DCC: variants seen among roughly 807,000 people sequenced by gnomAD.
DCC encodes the protein netrin receptor DCC.
In DCC, 58 loss-of-function variants were observed where a neutral mutation model predicts 172.5. The observed-to-expected ratio is 0.34, with a 90% CI of 0.27 to 0.42. DCC has a LOEUF of 0.42. DCC is among the 10% of genes least tolerant of loss of function. The pLI is 1.00. For missense variants in DCC, 1,740 were observed against 1,791.0 expected, an observed-to-expected ratio of 0.97 and a Z score of 0.51; for synonymous variants, 709 against 644.5, an observed-to-expected ratio of 1.10 and a Z score of -1.52.
intron 1 of DCC, among the ~76,000 whole-genome samples, chr18:52,618,216 C>A (rs1259699291): frequency 2.0e-5 from 3 of 151,974 alleles, no homozygotes; most frequent in Non-Finnish European, 2.9e-5. Context: ...GAAAAAAAAA[C>A]TTATTCATAA....
chr18:52,786,823 T>A (rs1428386291), intron 2 of DCC, among the ~76,000 whole-genome samples: 6 of 152,108 alleles, frequency 3.9e-5, no homozygotes, highest in Non-Finnish European at 1.5e-5. Context: ...CCCAAGGGGC[T>A]TTTATCAGCT....
rs191878439 is a variant in DCC, at chr18:53,171,766, T to C, written c.1419-7196T>C. Among the ~76,000 whole-genome samples, 557 of 151,210 alleles carry C rather than the reference T, an allele frequency of 3.7e-3. 1 individual carries two copies. The highest frequency in any genetic ancestry group is 0.014 in the Middle Eastern group (4 of 292). ...AGAACACATACAAACAGCAAACATA[T>C]GAAAAAACTGCTCAACATCACTAAT... On this transcript the variant is annotated intron_variant, in intron 8 of 28. Coordinates refer to ENST00000442544, the MANE Select transcript of DCC (RefSeq NM_005215.4).
chr18:53,212,654 C>T (rs973430785), intron 11 of DCC, among the ~76,000 whole-genome samples: 3 of 151,622 alleles, frequency 2.0e-5, no homozygotes, highest in Non-Finnish European at 4.4e-5. Flanking sequence ...ATTTTATTGC[C>T]TTTCAATTCT....
intron 2 of DCC, among the ~76,000 whole-genome samples, chr18:52,840,864 G>T (rs879571734): frequency 6.6e-6 from 1 of 152,162 alleles, no homozygotes; most frequent in South Asian, 2.1e-4. Flanking sequence ...ACTACAAAAT[G>T]AAGTCTGAAT....
intron 5 of DCC, among the ~76,000 whole-genome samples, chr18:52,980,770 TGTTG>T (rs1490364527): frequency 6.6e-6 from 1 of 152,074 alleles, no homozygotes; most frequent in Non-Finnish European, 1.5e-5. Flanking sequence ...AATCAAAACT[TGTTG>T]GTTGGTGAAG....
At chr18:53,520,106 A>G (rs554595958) in intron 27 of DCC, among the ~76,000 whole-genome samples, 1 of 152,196 alleles carries the variant, frequency 6.6e-6, no homozygotes, top group Non-Finnish European at 1.5e-5. Flanking sequence ...AGCAGTGTAG[A>G]AAAAAACCAG....
chr18:53,285,967 T>C (rs1213429300), intron 12 of DCC, among the ~76,000 whole-genome samples: 1 of 152,192 alleles, frequency 6.6e-6, no homozygotes. Flanking sequence ...TTGCTCCCAT[T>C]TGGAATGGCT....
At chr18:52,563,597 T>A (rs138079258) in intron 1 of DCC, among the ~76,000 whole-genome samples, 2 of 152,310 alleles carry the variant, frequency 1.3e-5, no homozygotes, top group Non-Finnish European at 2.9e-5. Flanking sequence ...TGTTTCCTAG[T>A]GACTGTGCCT....
intron 2 of DCC, among the ~76,000 whole-genome samples, chr18:52,813,961 A>AC (rs1160623250): frequency 6.6e-6 from 1 of 152,204 alleles, no homozygotes; most frequent in Non-Finnish European, 1.5e-5. Flanking sequence ...GACTGAAACT[A>AC]CACATAGGCT....
In DCC at chr18:52,690,446, G is replaced by A. The variant is rs77126049; in HGVS notation, c.92-61608G>A. On this transcript the variant is annotated intron_variant, in intron 1 of 28. Coordinates refer to ENST00000442544, the MANE Select transcript of DCC (RefSeq NM_005215.4). ...ACAGGTAAAGAGGTTTGGGTATCCT[G>A]CATTAACTGTTCTACTTTGTTGAGG... 3.2e-4 allele frequency among the ~76,000 whole-genome samples: 49 copies of A among 152,248 alleles called. No homozygotes were observed. The East Asian group carries it at 9.1e-3, about 28-fold the overall frequency.
intron 7 of DCC, among the ~76,000 whole-genome samples, chr18:53,092,229 T>C (rs1264065688): frequency 1.3e-5 from 2 of 152,178 alleles, no homozygotes; most frequent in Non-Finnish European, 2.9e-5. Flanking sequence ...CTGGTAGGTT[T>C]ATAAAGAATT....
chr18:53,303,302 C>G (rs2057161535), intron 12 of DCC, among the ~76,000 whole-genome samples: 1 of 151,762 alleles, frequency 6.6e-6, no homozygotes, highest in Non-Finnish European at 1.5e-5. Context: ...TGTTTTTATC[C>G]TGTTGATGGA....
intron 13 of DCC, among the ~76,000 whole-genome samples, chr18:53,320,272 C>T (rs540491659): frequency 6.6e-6 from 1 of 152,114 alleles, no homozygotes; most frequent in South Asian, 2.1e-4. Context: ...CGGGGTTCCA[C>T]CGTGTTAGCC....
At chr18:53,454,582 G>A (rs1465843233) in intron 23 of DCC, among the ~76,000 whole-genome samples, 2 of 152,182 alleles carry the variant, frequency 1.3e-5, no homozygotes, top group African/African-American at 4.8e-5. Flanking sequence ...TTGTCTGAAT[G>A]CTTTAAATTT....
intron 21 of DCC, among the ~76,000 whole-genome samples, chr18:53,427,563 G>C (rs561293340): frequency 1.7e-5 from 2 of 117,330 alleles, no homozygotes; most frequent in South Asian, 5.0e-4. Context: ...AGCCGGGCAA[G>C]GGAGATAGTC....
intron 1 of DCC, among the ~76,000 whole-genome samples, chr18:52,630,648 ATT>A (rs906301906): frequency 6.8e-6 from 1 of 146,822 alleles, no homozygotes. Flanking sequence ...TGACGGTGAG[ATT>A]TTTTTTTTTT....
chr18:53,428,464 T>TATA (rs1911254216), intron 21 of DCC, among the ~76,000 whole-genome samples: 1 of 35,084 alleles, frequency 2.9e-5, no homozygotes, highest in South Asian at 7.8e-4. Flanking sequence ...TTATATATAT[T>TATA]ATATAATATA....
chr18:52,958,667 T>C lies in DCC; in HGVS notation c.985+33297T>C, dbSNP rs148915103. 7.2e-5 allele frequency among the ~76,000 whole-genome samples: 11 copies of C among 152,186 alleles called. No homozygotes were observed. In the East Asian group the frequency reaches 1.9e-3, roughly 27 times the overall value. The stretch of plus-strand genomic sequence containing the variant: ...CAGAAAGATCAGGACTTGGTGGCCA[T>C]AGGCATTTAGGATAAAGAAGGATGT... On this transcript the variant is annotated intron_variant, in intron 5 of 28. Transcript: ENST00000442544.
At chr18:52,997,778 C>T (rs767680462) in intron 5 of DCC, among the ~76,000 whole-genome samples, 4 of 152,072 alleles carry the variant, frequency 2.6e-5, no homozygotes, top group Non-Finnish European at 4.4e-5. Flanking sequence ...TGTGTCCAAA[C>T]GAGTATTCGC....
Sources: gnomAD v4.1 joint callset for allele counts (sites outside exome capture counted in the v4.1 genomes callset) on GRCh38, gnomAD v4.1.1 for gene constraint, MANE v1.5 for transcripts, NCBI Gene and HGNC (gene_info 2026-07-23, HGNC 2026-07-21) for gene names.